ASTN1: variants seen among roughly 807,000 people sequenced by gnomAD.
The protein encoded by ASTN1 is astrotactin-1.
Under a neutral mutation model 140.7 loss-of-function variants are expected in ASTN1, and 41 were observed. The observed-to-expected ratio is 0.29, with a 90% confidence interval of 0.23 to 0.38. The LOEUF is 0.38. ASTN1 is among the 10% of genes least tolerant of loss of function. The probability of loss-of-function intolerance (pLI) is 1.00; values close to 1 mark genes in which losing one functional copy is unlikely to be tolerated. For synonymous variants in ASTN1, 640 were observed against 652.2 expected, an observed-to-expected ratio of 0.98 and a Z score of 0.29; for missense variants, 1,479 against 1,678.8, an observed-to-expected ratio of 0.88 and a Z score of 2.08.
intron 1 of ASTN1, among the ~76,000 whole-genome samples, chr1:177,128,480 C>T (rs542368065): frequency 4.6e-5 from 7 of 152,284 alleles, no homozygotes; most frequent in African/African-American, 1.4e-4. Context: ...TTTGAACAAG[C>T]TCACAATTTT....
At position 177,029,620 on chromosome 1, in the gene ASTN1, T is replaced by C. The variant is rs759994354; in HGVS notation, c.1120+14A>G. 1 of 1,611,364 alleles carries C rather than the reference T, an allele frequency of 6.2e-7. No individual in the cohort carries two copies. ...AGATCCTTTACCACCTTCTGCCACC[T>C]CTATCATTCCTACCTCTACTACGCC... is the stretch of plus-strand genomic sequence containing the variant. On this transcript the variant is annotated intron_variant, in intron 5 of 22. Coordinates refer to ENST00000361833, the MANE Select transcript of ASTN1 (RefSeq NM_004319.3).
intron 19 of ASTN1, among the ~76,000 whole-genome samples, chr1:176,883,498 C>T (rs556952641): frequency 2.3e-4 from 35 of 152,214 alleles, no homozygotes; most frequent in Middle Eastern, 3.4e-3. Flanking sequence ...CTGGCCTGGG[C>T]GCTCCTTTAT....
intron 2 of ASTN1, among the ~76,000 whole-genome samples, chr1:177,033,850 C>T (rs1676576489): frequency 6.6e-6 from 1 of 152,108 alleles, no homozygotes; most frequent in African/African-American, 2.4e-5. Flanking sequence ...ATGGCCTTGA[C>T]ATCACCGGGG....
At chr1:177,147,359 C>A (rs1682766487) in intron 1 of ASTN1, among the ~76,000 whole-genome samples, 1 of 152,146 alleles carries the variant, frequency 6.6e-6, no homozygotes, top group Non-Finnish European at 1.5e-5. Flanking sequence ...GTACTCCATG[C>A]CAAACAGCAC....
intron 8 of ASTN1, among the ~76,000 whole-genome samples, chr1:176,999,030 A>G (rs1361256854): frequency 6.6e-6 from 1 of 152,246 alleles, no homozygotes; most frequent in East Asian, 1.9e-4. Flanking sequence ...GTAAACTGAC[A>G]GTAAATTATT....
rs755484057 is a variant in ASTN1, at chr1:176,882,920, C to G, written c.3301G>C (p.Asp1101His). Reference protein sequence around the residue: ...SPCAMPSQVPDKQLTTISLII... With the variant: ...SPCAMPSQVPHKQLTTISLII... Reference sequence around the variant, plus strand: ...AGAGAGATGGTGGTGAGCTGCTTGTCCGGCACCTGAGATGGCATTGCACAA... The same window carrying G: ...AGAGAGATGGTGGTGAGCTGCTTGTGCGGCACCTGAGATGGCATTGCACAA... The change falls in exon 20 of 23, where the codon GAC becomes CAC. Residue 1101 changes from aspartate (D) to histidine (H), a missense_variant. Coordinates refer to ENST00000361833, the MANE Select transcript of ASTN1 (RefSeq NM_004319.3). 2 of 1,614,102 alleles carry G rather than the reference C, an allele frequency of 1.2e-6. No individual in the cohort carries two copies. The highest frequency in any genetic ancestry group is 2.2e-5 in the South Asian group (2 of 91,082).
At chr1:176,898,120 G>C (rs1557944155) in intron 16 of ASTN1, among the ~76,000 whole-genome samples, 1 of 152,192 alleles carries the variant, frequency 6.6e-6, no homozygotes, top group Non-Finnish European at 1.5e-5. Flanking sequence ...TTAAAATCAA[G>C]ATGCAGCGAA....
At chr1:177,095,148 G>A (rs1028605521) in intron 1 of ASTN1, among the ~76,000 whole-genome samples, 4 of 152,188 alleles carry the variant, frequency 2.6e-5, no homozygotes, top group East Asian at 1.9e-4. Context: ...CCTCTCTTGA[G>A]TGCTAAGAGT....
chr1:177,076,470 G>A (rs1281022837), intron 1 of ASTN1, among the ~76,000 whole-genome samples: 1 of 151,456 alleles, frequency 6.6e-6, no homozygotes, highest in Non-Finnish European at 1.5e-5. Context: ...GAGGAAGGAT[G>A]GGAAAAGAAA....
chr1:176,929,461 T>C (rs1671110254), intron 16 of ASTN1, among the ~76,000 whole-genome samples: 1 of 152,208 alleles, frequency 6.6e-6, no homozygotes, highest in Non-Finnish European at 1.5e-5. Flanking sequence ...AGGCAAGGGA[T>C]TCTTCCCTAG....
chr1:176,940,895 T>C lies in ASTN1; in HGVS notation c.2377+2996A>G, dbSNP rs1020266591. Among the ~76,000 whole-genome samples, 3 of 152,230 alleles carry C rather than the reference T, an allele frequency of 2.0e-5. No individual in the cohort carries two copies. The East Asian group carries it at 5.8e-4, about 29-fold the overall frequency. On this transcript the variant is annotated intron_variant, in intron 14 of 22. Coordinates refer to ENST00000361833, the MANE Select transcript of ASTN1 (RefSeq NM_004319.3). Reference sequence around the variant, plus strand: ...CTTAAAGTGAAAAGGATTTCTTTACTGCAGGGCTTCTAGGAAACTTCTCTA... The same window carrying C: ...CTTAAAGTGAAAAGGATTTCTTTACCGCAGGGCTTCTAGGAAACTTCTCTA...
chr1:177,049,080 G>A (rs1469114157), intron 2 of ASTN1, among the ~76,000 whole-genome samples: 1 of 152,216 alleles, frequency 6.6e-6, no homozygotes, highest in East Asian at 1.9e-4. Flanking sequence ...AGTTGCTGCA[G>A]GGAATGGAAG....
At chr1:176,892,801 C>T (rs972070188) in intron 17 of ASTN1, among the ~76,000 whole-genome samples, 2 of 152,152 alleles carry the variant, frequency 1.3e-5, no homozygotes, top group Non-Finnish European at 2.9e-5. Flanking sequence ...CTTCTTCACT[C>T]GTCATCTCCA....
chr1:176,939,297 A>T (rs1671584821), intron 14 of ASTN1, among the ~76,000 whole-genome samples: 1 of 152,164 alleles, frequency 6.6e-6, no homozygotes, highest in Non-Finnish European at 1.5e-5. Context: ...GTCCAGAACA[A>T]CAGAGGGAAG....
intron 8 of ASTN1, among the ~76,000 whole-genome samples, chr1:176,974,700 T>C (rs1463085306): frequency 1.3e-5 from 2 of 152,210 alleles, no homozygotes; most frequent in Admixed American, 6.5e-5. Flanking sequence ...AGAAATTTTA[T>C]AGATATATCA....
At chr1:176,917,543 TCTC>T (rs1477969063) in intron 16 of ASTN1, among the ~76,000 whole-genome samples, 3 of 152,024 alleles carry the variant, frequency 2.0e-5, no homozygotes, top group Non-Finnish European at 2.9e-5. Context: ...CCTCTGGAGT[TCTC>T]CTGGTTTTTA....
chr1:176,880,431 C>A (rs1240620704), intron 20 of ASTN1, among the ~76,000 whole-genome samples: 1 of 152,138 alleles, frequency 6.6e-6, no homozygotes, highest in Non-Finnish European at 1.5e-5. Flanking sequence ...GAGAGCAGCT[C>A]TCCTGTGAGC....
At chr1:176,995,718 G>T (rs965057311) in intron 8 of ASTN1, among the ~76,000 whole-genome samples, 3 of 152,206 alleles carry the variant, frequency 2.0e-5, no homozygotes, top group African/African-American at 7.2e-5. Flanking sequence ...GTCATTGGTG[G>T]ATTGGGGCAG....
chr1:177,153,039 A>C (rs1683105213), intron 1 of ASTN1, among the ~76,000 whole-genome samples: 1 of 152,112 alleles, frequency 6.6e-6, no homozygotes, highest in South Asian at 2.1e-4. Context: ...CAGCTGCTAC[A>C]GTTTGGATGT....
Sources: allele counts gnomAD v4.1 joint callset (sites outside exome capture counted in the v4.1 genomes callset), GRCh38; gene constraint gnomAD v4.1.1; transcripts MANE v1.5; gene names NCBI Gene and HGNC (gene_info 2026-07-23, HGNC 2026-07-21).